The following GTF2IRD1 variants were observed in gnomAD, a reference collection of about 807,000 sequenced individuals.
GTF2IRD1 encodes general transcription factor II-I repeat domain-containing protein 1.
GTF2IRD1 carries 26 observed loss-of-function variants against 113.2 expected under a neutral mutation model. The ratio of observed to expected loss-of-function variants is 0.23; its 90% CI spans 0.17 to 0.32. The LOEUF is 0.32. GTF2IRD1 is among the 10% of genes least tolerant of loss of function. The pLI is 1.00. For missense variants in GTF2IRD1, 864 were observed against 1,280.8 expected (o/e 0.67, Z 4.97); for synonymous variants, 484 against 529.1 (o/e 0.91, Z 1.17).
chr7:74,572,881 G>A (rs587667327), intron 22 of GTF2IRD1, among the ~76,000 whole-genome samples: 2 of 152,284 alleles, frequency 1.3e-5, no homozygotes, highest in African/African-American at 2.4e-5. Flanking sequence ...TCTGCGGGGC[G>A]GGGCTTGGAG....
intron 17 of GTF2IRD1, among the ~76,000 whole-genome samples, chr7:74,549,863 C>A (rs1349661731): frequency 1.3e-5 from 2 of 152,130 alleles, no homozygotes; most frequent in African/African-American, 2.4e-5. Flanking sequence ...TGGAGAAACC[C>A]CATCTCTACT....
intron 1 of GTF2IRD1, chr7:74,507,721 G>C (rs1796375590): frequency 4.5e-6 from 1 of 220,936 alleles, no homozygotes; most frequent in African/African-American, 2.3e-5. Context: ...AATATGGGCA[G>C]TAGGGAGCCA....
At chr7:74,489,343 CAGTCCCTTTTTTTATTTG>C (rs2117203783) in intron 1 of GTF2IRD1, among the ~76,000 whole-genome samples, 1 of 151,996 alleles carries the variant, frequency 6.6e-6, no homozygotes, top group African/African-American at 2.4e-5. Context: ...TCCCTGGTTT[CAGTCCCTTTTTTTATTTG>C]AGACGGAGTC....
intron 22 of GTF2IRD1, among the ~76,000 whole-genome samples, chr7:74,574,377 C>T (rs1554363754): frequency 6.6e-6 from 1 of 151,430 alleles, no homozygotes; most frequent in Non-Finnish European, 1.5e-5. Context: ...CTCCTGGCTT[C>T]AAGGGATCTC....
chr7:74,480,171 A>G (rs1401039600), intron 1 of GTF2IRD1, among the ~76,000 whole-genome samples: 5 of 147,704 alleles, frequency 3.4e-5, no homozygotes, highest in African/African-American at 1.3e-4. Context: ...CCAGTAGTCT[A>G]TTTTTTTGGT....
At chr7:74,473,861 C>T (rs910560672) in intron 1 of GTF2IRD1, among the ~76,000 whole-genome samples, 5 of 152,028 alleles carry the variant, frequency 3.3e-5, no homozygotes, top group Admixed American at 2.0e-4. Flanking sequence ...CCGAGCTGGG[C>T]GGATCACCTG....
chr7:74,572,951 T>C (rs1488798138), intron 22 of GTF2IRD1, among the ~76,000 whole-genome samples: 3 of 152,128 alleles, frequency 2.0e-5, no homozygotes, highest in African/African-American at 7.2e-5. Context: ...GACGCCTCCT[T>C]TCTTCTGAAG....
chr7:74,579,001 A>T (rs1472736371), intron 22 of GTF2IRD1, among the ~76,000 whole-genome samples: 1 of 151,414 alleles, frequency 6.6e-6, no homozygotes, highest in East Asian at 1.9e-4. Flanking sequence ...AAAAAAAAAA[A>T]GCAGAGGAGG....
intron 2 of GTF2IRD1, among the ~76,000 whole-genome samples, chr7:74,508,964 C>T (rs782256805): frequency 2.0e-5 from 3 of 152,146 alleles, no homozygotes; most frequent in Non-Finnish European, 2.9e-5. Context: ...CTATTGCCTA[C>T]ATACCTAGAC....
chr7:74,506,453 C>G (rs1323309148), intron 1 of GTF2IRD1: 1 of 152,234 alleles, frequency 6.6e-6, no homozygotes, highest in Non-Finnish European at 1.5e-5. Flanking sequence ...TGGGCCTTCC[C>G]TACCCCATTG....
chr7:74,494,446 G>T (rs775499609), intron 1 of GTF2IRD1, among the ~76,000 whole-genome samples: 7 of 152,210 alleles, frequency 4.6e-5, no homozygotes, highest in Non-Finnish European at 8.8e-5. Flanking sequence ...CCAGGGCAAG[G>T]GTCTGAGAGT....
chr7:74,498,109 G>T (rs939088300), intron 1 of GTF2IRD1, among the ~76,000 whole-genome samples: 5 of 151,968 alleles, frequency 3.3e-5, no homozygotes, highest in Non-Finnish European at 7.4e-5. Flanking sequence ...CTGTTTTATG[G>T]CCATTTGTAT....
At position 74,518,164 on chromosome 7, in the gene GTF2IRD1, G is replaced by C. The variant is rs145535993; in HGVS notation, c.447G>C (p.Val149=). The change falls in exon 5 of 27, where the codon GTG becomes GTC. Residue 149 remains valine, a synonymous_variant. Coordinates refer to ENST00000424337, the MANE Select transcript of GTF2IRD1 (RefSeq NM_005685.4). ...LYSEALGRAS[V]VPLPYERLLR... ...GCGAGGCCCTGGGAAGGGCCAGTGT[G>C]GTGCCACTGCCCTATGAGAGGCTGC... The C allele has an allele frequency of 6.2e-7, 1 of 1,601,008 alleles. No homozygotes were observed. Among genetic ancestry groups the C allele is most frequent in the Non-Finnish European group, 8.5e-7 (1 of 1,172,188 alleles).
At position 74,503,308 on chromosome 7, in the gene GTF2IRD1, C is replaced by T. The variant is rs781924355; in HGVS notation, c.-6-4767C>T. ...CAGCCGTCCTTGCTTCACAGGTGGG[C>T]GGAGCAAAATCGGGAGCTGGGTGAT... On this transcript the variant is annotated intron_variant, in intron 1 of 26. Coordinates refer to ENST00000424337, the MANE Select transcript of GTF2IRD1 (RefSeq NM_005685.4). Among the ~76,000 whole-genome samples the T allele has an allele frequency of 3.9e-4, 59 of 152,084 alleles. 2 individuals carry two copies. The highest frequency in any genetic ancestry group is 1.0e-4 in the Non-Finnish European group (7 of 68,024).
At chr7:74,600,666 G>A (rs1412383921) in intron 25 of GTF2IRD1, among the ~76,000 whole-genome samples, 19 of 152,060 alleles carry the variant, frequency 1.2e-4, no homozygotes, top group African/African-American at 4.1e-4. Flanking sequence ...AGCCAAGATC[G>A]CGCCACTGGA....
intron 2 of GTF2IRD1, among the ~76,000 whole-genome samples, chr7:74,510,027 A>G (rs1554342464): frequency 6.6e-6 from 1 of 152,056 alleles, no homozygotes; most frequent in African/African-American, 2.4e-5. Context: ...TCCCCGAAAA[A>G]TAAAGGACCT....
chr7:74,492,212 C>T (rs1680523470), intron 1 of GTF2IRD1, among the ~76,000 whole-genome samples: 1 of 151,464 alleles, frequency 6.6e-6, no homozygotes, highest in African/African-American at 2.4e-5. Context: ...ACTCTGTCGC[C>T]CAGGCTGGAG....
At chr7:74,526,799 T>TG (rs1232657584) in intron 8 of GTF2IRD1, among the ~76,000 whole-genome samples, 3 of 90,928 alleles carry the variant, frequency 3.3e-5, no homozygotes, top group African/African-American at 1.3e-4. Flanking sequence ...ATGTGGGAGG[T>TG]GGGGGGGAAG....
chr7:74,601,607 T>G, intron 26 of GTF2IRD1: 4 of 582,276 alleles, frequency 6.9e-6, no homozygotes, highest in Non-Finnish European at 1.1e-5. Flanking sequence ...ACCCCATCTC[T>G]ACTAAAAATA....
Sources: allele counts gnomAD v4.1 joint callset (sites outside exome capture counted in the v4.1 genomes callset), GRCh38; gene constraint gnomAD v4.1.1; transcripts MANE v1.5; gene names NCBI Gene and HGNC (gene_info 2026-07-23, HGNC 2026-07-21).